Variants in CCDC171 observed in about 807,000 individuals in gnomAD.
The protein encoded by CCDC171 is coiled-coil domain containing 171.
In CCDC171, 177 loss-of-function variants were observed where a neutral mutation model predicts 168.2. The observed-to-expected ratio is 1.05, with a 90% confidence interval of 0.93 to 1.19. The LOEUF (loss-of-function observed/expected upper bound fraction) is 1.19. CCDC171 is among the 50% of genes most tolerant of loss of function. CCDC171 has a pLI of 0.00. For synonymous variants in CCDC171, 687 were observed against 540.8 expected (o/e 1.27, Z -3.75); for missense variants, 1,991 against 1,539.0 (o/e 1.29, Z -4.91).
chr9:15,744,441 C>A lies in CCDC171; in HGVS notation c.2218C>A (p.Pro740Thr). ...TGCATTAATGGCTGGTGCCTTATAT[C>A]CCCTCTATAGCCGATCATGCGCCTT... ...ACALMAGALYPLYSRSCALST... is the reference protein window; with the variant it reads ...ACALMAGALYTLYSRSCALST... Residue 740 changes from proline to threonine, a missense_variant, in exon 17 of 26, where the codon CCC becomes ACC. Coordinates refer to ENST00000380701, the MANE Select transcript of CCDC171 (RefSeq NM_173550.4). 6.2e-7 allele frequency: 1 copy of A among 1,613,996 alleles called. No individual in the cohort carries two copies.
chr9:15,827,406 T>C (rs893674634), intron 21 of CCDC171, among the ~76,000 whole-genome samples: 2 of 152,162 alleles, frequency 1.3e-5, no homozygotes, highest in African/African-American at 4.8e-5. Context: ...TGTAGACCAT[T>C]ACTCCTCTTT....
chr9:15,979,896 T>C (rs918906024), intron 3 of CCDC171, among the ~76,000 whole-genome samples: 13 of 151,038 alleles, frequency 8.6e-5, no homozygotes, highest in Non-Finnish European at 1.5e-5. Flanking sequence ...TATTAGTGAA[T>C]TCATCTTGGC....
chr9:16,103,763 G>A, the CCDC171 span, among the ~76,000 whole-genome samples: 1 of 152,198 alleles, frequency 6.6e-6, no homozygotes, highest in Non-Finnish European at 1.5e-5. Flanking sequence ...ATCAGGATTA[G>A]CCCAGTGACC....
At chr9:15,812,749 C>G (rs1002834482) in intron 21 of CCDC171, among the ~76,000 whole-genome samples, 1 of 152,152 alleles carries the variant, frequency 6.6e-6, no homozygotes, top group Non-Finnish European at 1.5e-5. Flanking sequence ...TTTTGCCCAA[C>G]AAGATTTCAT....
intron 24 of CCDC171, among the ~76,000 whole-genome samples, chr9:15,890,485 T>C (rs7026090): frequency 0.07 from 10,572 of 151,914 alleles, 839 homozygotes; most frequent in African/African-American, 0.19. Context: ...GTCTATAGGA[T>C]GACTTTTAAT....
chr9:15,639,373 G>GT (rs1013987867), intron 7 of CCDC171, among the ~76,000 whole-genome samples: 11 of 151,646 alleles, frequency 7.3e-5, no homozygotes, highest in Admixed American at 1.3e-4. Context: ...AAATACTCAA[G>GT]TTTTTTTTGC....
rs1393675607 is a variant in CCDC171 at position 15,817,191 on chromosome 9, A to G, written c.3268-29511A>G. On this transcript the variant is annotated intron_variant, in intron 21 of 25. Coordinates refer to ENST00000380701, the MANE Select transcript of CCDC171 (RefSeq NM_173550.4). ...CCAAGAACCTTTGCCAGTGTGACAG[A>G]TAAGAAAAGGTGTACAGTGGGGTGG... Among the ~76,000 whole-genome samples, 3 of 118,064 alleles carry G rather than the reference A, an allele frequency of 2.5e-5. 1 individual carries two copies. Among genetic ancestry groups the G allele is most frequent in the Admixed American group, 1.6e-4 (2 of 12,546 alleles). 77.5% of individuals were successfully genotyped at this position (118,064 alleles called of 152,430 possible).
intron 7 of CCDC171, among the ~76,000 whole-genome samples, chr9:15,631,125 A>G (rs2045651050): frequency 1.3e-5 from 2 of 152,148 alleles, no homozygotes; most frequent in South Asian, 4.1e-4. Flanking sequence ...GAGAAGCAAG[A>G]GCAAACACAT....
intron 4 of CCDC171, among the ~76,000 whole-genome samples, chr9:15,590,206 AG>A (rs1382027695): frequency 1.3e-5 from 2 of 152,142 alleles, no homozygotes; most frequent in Non-Finnish European, 2.9e-5. Context: ...GCTGAATGGG[AG>A]GGGGACTTTT....
At chr9:15,865,039 C>A (rs2061717622) in intron 23 of CCDC171, among the ~76,000 whole-genome samples, 1 of 151,978 alleles carries the variant, frequency 6.6e-6, no homozygotes, top group South Asian at 2.1e-4. Context: ...TATCGTAAAT[C>A]ATCTAAAAGA....
chr9:15,875,547 A>G (rs1817728679), intron 24 of CCDC171: 1 of 151,820 alleles, frequency 6.6e-6, no homozygotes, highest in South Asian at 2.1e-4. Flanking sequence ...GTTCAATAGC[A>G]CTCTATTTTT....
Position 16,055,547 on chromosome 9 carries a change from C to T in CCDC171, n.90-5099C>T, listed in dbSNP as rs147183803. On this transcript the variant is annotated intron_variant and non_coding_transcript_variant, in intron 1 of 1. Coordinates refer to the CCDC171 transcript ENST00000478913. Reference sequence around the variant, plus strand: ...TTCATGTCCACTGCCCCCTCAGCAACGCCGCTGGGCCCTGTGAGGCTCATA... The same window carrying T: ...TTCATGTCCACTGCCCCCTCAGCAATGCCGCTGGGCCCTGTGAGGCTCATA... Among the ~76,000 whole-genome samples, 275 of 152,302 alleles carry T rather than the reference C, an allele frequency of 1.8e-3. 2 individuals carry two copies. Among genetic ancestry groups the T allele is most frequent in the African/African-American group, 5.7e-3 (235 of 41,564 alleles).
At chr9:15,728,631 A>G (rs2053966029) in intron 15 of CCDC171, among the ~76,000 whole-genome samples, 1 of 152,186 alleles carries the variant, frequency 6.6e-6, no homozygotes, top group South Asian at 2.1e-4. Flanking sequence ...TCACAAGTCT[A>G]GGAAATCAGT....
At chr9:15,760,274 C>T (rs1237219578) in intron 18 of CCDC171, among the ~76,000 whole-genome samples, 1 of 151,992 alleles carries the variant, frequency 6.6e-6, no homozygotes, top group African/African-American at 2.4e-5. Context: ...AACTGTATGG[C>T]TTTTCATATT....
exon 2 of CCDC171, chr9:16,060,908 G>A (rs1198449532): frequency 6.6e-6 from 1 of 152,212 alleles, no homozygotes; most frequent in East Asian, 1.9e-4. Context: ...GCTTATGCTT[G>A]TCATTCTTTC....
intron 21 of CCDC171, among the ~76,000 whole-genome samples, chr9:15,808,822 A>C (rs2059193151): frequency 6.6e-6 from 1 of 151,602 alleles, no homozygotes; most frequent in Non-Finnish European, 1.5e-5. Context: ...CTGCTGTACC[A>C]AAATACAATA....
chr9:15,563,493 T>TA (rs2039481346), intron 1 of CCDC171, among the ~76,000 whole-genome samples: 1 of 152,198 alleles, frequency 6.6e-6, no homozygotes, highest in Non-Finnish European at 1.5e-5. Flanking sequence ...GGATAATCCT[T>TA]ACATTGCAGT....
intron 6 of CCDC171, among the ~76,000 whole-genome samples, chr9:15,597,551 A>AT (rs1041876031): frequency 3.9e-5 from 6 of 152,098 alleles, no homozygotes; most frequent in East Asian, 3.9e-4. Context: ...GTTTGCCAGT[A>AT]TTTTTTTGAG....
At chr9:15,648,059 G>T (rs1236121359) in intron 7 of CCDC171, among the ~76,000 whole-genome samples, 2 of 152,194 alleles carry the variant, frequency 1.3e-5, no homozygotes, top group East Asian at 3.9e-4. Flanking sequence ...ATGATCAAGT[G>T]GGCTTCATCC....
Sources: gnomAD v4.1 joint callset for allele counts (sites outside exome capture counted in the v4.1 genomes callset) on GRCh38, gnomAD v4.1.1 for gene constraint, MANE v1.5 for transcripts, NCBI Gene and HGNC (gene_info 2026-07-23, HGNC 2026-07-21) for gene names.